Variants in RPS6KA2 observed in about 807,000 individuals in gnomAD.
RPS6KA2 encodes the protein ribosomal protein S6 kinase A2, also known as ribosomal protein S6 kinase alpha-2.
RPS6KA2 carries 42 observed loss-of-function variants against 91.8 expected under a neutral mutation model. That is an observed-to-expected ratio of 0.46 (90% CI 0.36 to 0.59). The LOEUF (loss-of-function observed/expected upper bound fraction) is 0.59. Among genes scored for constraint, RPS6KA2 ranks in the 20% least tolerant of loss-of-function variants. The probability of loss-of-function intolerance (pLI) is 0.00; values close to 1 mark genes in which losing one functional copy is unlikely to be tolerated. For synonymous variants in RPS6KA2, 414 were observed against 393.6 expected (o/e 1.05, Z -0.61); for missense variants, 798 against 978.5 (o/e 0.82, Z 2.46).
intron 16 of RPS6KA2, among the ~76,000 whole-genome samples, chr6:166,429,041 G>A (rs1290551558): frequency 6.6e-6 from 1 of 151,982 alleles, no homozygotes; most frequent in Non-Finnish European, 1.5e-5. Flanking sequence ...CAACCCAAAT[G>A]TTCAACAATG....
chr6:166,839,188 C>T (rs1039950732), intron 2 of RPS6KA2, among the ~76,000 whole-genome samples: 24 of 152,192 alleles, frequency 1.6e-4, no homozygotes, highest in African/African-American at 4.1e-4. Context: ...CTGGGGGACC[C>T]GCGCGTAAGT....
chr6:166,777,818 T>C (rs994504200), intron 2 of RPS6KA2, among the ~76,000 whole-genome samples: 4 of 152,016 alleles, frequency 2.6e-5, no homozygotes, highest in Admixed American at 2.0e-4. Flanking sequence ...TAATTTTAAA[T>C]GATAGCATTT....
At position 166,533,532 on chromosome 6, in the gene RPS6KA2, CA is replaced by C. The variant is rs1364743476; in HGVS notation, c.217-2220del. 6.6e-6 allele frequency among the ~76,000 whole-genome samples: 1 copy of C among 152,228 alleles called. No individual in the cohort carries two copies. The highest frequency in any genetic ancestry group is 1.5e-5 in the Non-Finnish European group (1 of 68,048). On this transcript the variant is annotated intron_variant, in intron 2 of 20. Coordinates refer to ENST00000265678, the MANE Select transcript of RPS6KA2 (RefSeq NM_021135.6). This position sits in a 1 kb window ranked among gnomAD's most constrained non-coding sequence, Gnocchi z 4.0. ...AGTTGGGCAGTGACACCAGCAAGGGCAGGGGTGTGCCTTCCTGGCCTAGGCA... is the reference window on the plus strand; with the variant it reads ...AGTTGGGCAGTGACACCAGCAAGGGCGGGGTGTGCCTTCCTGGCCTAGGCA...
At chr6:166,731,183 G>C (rs1368087384) in intron 2 of RPS6KA2, among the ~76,000 whole-genome samples, 1 of 152,024 alleles carries the variant, frequency 6.6e-6, no homozygotes, top group Non-Finnish European at 1.5e-5. Context: ...TGGAGGTTGC[G>C]GTGAGCCGAG....
In RPS6KA2 at chr6:166,726,189, T is replaced by C. The variant is rs938958909; in HGVS notation, c.123+132011A>G. On this transcript the variant is annotated intron_variant, in intron 2 of 21. Coordinates refer to the RPS6KA2 transcript ENST00000503859. This position sits in a 1 kb window ranked among gnomAD's most constrained non-coding sequence, Gnocchi z 4.4. ...CATAACTACTTTGATAAATCTACTA[T>C]TTATAAGCAAAGTCCTAGCCACGGC... Among the ~76,000 whole-genome samples the C allele has an allele frequency of 2.0e-5, 3 of 152,250 alleles. No individual in the cohort carries two copies. Among genetic ancestry groups the C allele is most frequent in the East Asian group, 1.9e-4 (1 of 5,178 alleles).
At chr6:166,468,099 C>T (rs554097052) in intron 11 of RPS6KA2, among the ~76,000 whole-genome samples, 30 of 152,368 alleles carry the variant, frequency 2.0e-4, no homozygotes, top group African/African-American at 5.8e-4. Flanking sequence ...GAGATCTAAA[C>T]GCCGTGTAAG....
chr6:166,549,679 G>T (rs1363147966), intron 1 of RPS6KA2, among the ~76,000 whole-genome samples: 2 of 151,992 alleles, frequency 1.3e-5, no homozygotes, highest in Admixed American at 6.6e-5. Context: ...TCCATAAAAG[G>T]GTACCATGGG....
At chr6:166,785,435 C>T (rs1177982474) in intron 2 of RPS6KA2, among the ~76,000 whole-genome samples, 1 of 152,232 alleles carries the variant, frequency 6.6e-6, no homozygotes, top group African/African-American at 2.4e-5. Flanking sequence ...CTTTCTTCTA[C>T]TTACTTGAGG....
At chr6:166,754,334 C>A (rs1212649714) in intron 2 of RPS6KA2, among the ~76,000 whole-genome samples, 1 of 152,192 alleles carries the variant, frequency 6.6e-6, no homozygotes, top group Non-Finnish European at 1.5e-5. Flanking sequence ...GGGGGCCAAG[C>A]CCTGGGGACC....
intron 2 of RPS6KA2, among the ~76,000 whole-genome samples, chr6:166,696,464 G>T (rs903451411): frequency 2.6e-5 from 4 of 152,122 alleles, no homozygotes; most frequent in Non-Finnish European, 5.9e-5. Context: ...TATTCCCCAG[G>T]AAACTCAGTG....
intron 1 of RPS6KA2, among the ~76,000 whole-genome samples, chr6:166,591,154 T>G: frequency 6.6e-6 from 1 of 152,180 alleles, no homozygotes; most frequent in East Asian, 1.9e-4. Context: ...CAGGCACTCT[T>G]CATAGATGCA....
intron 14 of RPS6KA2, among the ~76,000 whole-genome samples, chr6:166,443,774 CTG>C (rs1429680207): frequency 2.0e-5 from 3 of 152,160 alleles, no homozygotes; most frequent in Non-Finnish European, 4.4e-5. Context: ...TATAATAAAT[CTG>C]TGTATATTTT....
chr6:166,421,549 C>T (rs142806235), intron 17 of RPS6KA2, among the ~76,000 whole-genome samples: 1,754 of 152,264 alleles, frequency 0.012, 30 homozygotes, highest in African/African-American at 0.04. Flanking sequence ...CATAGGCCAG[C>T]CCTGCACCTC....
chr6:166,429,221 G>A lies in RPS6KA2; in HGVS notation c.1581+1232C>T, dbSNP rs529286928. Among the ~76,000 whole-genome samples the A allele has an allele frequency of 2.2e-3, 324 of 145,948 alleles. 3 individuals are homozygous for A. Among genetic ancestry groups the A allele is most frequent in the African/African-American group, 7.9e-3 (311 of 39,504 alleles). On this transcript the variant is annotated intron_variant, in intron 16 of 20. Coordinates refer to ENST00000265678, the MANE Select transcript of RPS6KA2 (RefSeq NM_021135.6). Reference sequence around the variant, plus strand: ...AAACACTGCATGTTCTCACTCATACGTGGGAATTGAACAATGAGAACACAT... The same window carrying A: ...AAACACTGCATGTTCTCACTCATACATGGGAATTGAACAATGAGAACACAT...
intron 3 of RPS6KA2, among the ~76,000 whole-genome samples, chr6:166,510,941 G>A (rs955467281): frequency 7.9e-5 from 12 of 152,062 alleles, no homozygotes; most frequent in South Asian, 2.1e-4. Flanking sequence ...GTCAGTTTTC[G>A]TCTGTAGAAT....
intron 1 of RPS6KA2, among the ~76,000 whole-genome samples, chr6:166,595,304 G>A (rs926114025): frequency 6.6e-6 from 1 of 152,072 alleles, no homozygotes; most frequent in Non-Finnish European, 1.5e-5. Context: ...TGCCTGCCTC[G>A]GCCTCCCAAA....
intron 14 of RPS6KA2, among the ~76,000 whole-genome samples, chr6:166,447,496 C>A (rs1779717785): frequency 6.6e-6 from 1 of 152,054 alleles, no homozygotes; most frequent in African/African-American, 2.4e-5. Context: ...TTTTTTTCGG[C>A]TGGCGTCTTC....
intron 2 of RPS6KA2, among the ~76,000 whole-genome samples, chr6:166,831,786 GATAC>G (rs1780188436): frequency 6.9e-6 from 1 of 144,540 alleles, no homozygotes; most frequent in African/African-American, 2.5e-5. Flanking sequence ...ATAGATGATA[GATAC>G]ATAGATAGAT....
At chr6:166,652,973 C>T (rs1057394392) in intron 2 of RPS6KA2, among the ~76,000 whole-genome samples, 8 of 152,232 alleles carry the variant, frequency 5.3e-5, no homozygotes. Flanking sequence ...CCAGGGCACC[C>T]ACTGTGGACA....
Sources: gnomAD v4.1 joint callset for allele counts (sites outside exome capture counted in the v4.1 genomes callset) on GRCh38, gnomAD v4.1.1 for gene constraint, Gnocchi (gnomAD v3.1) non-coding constraint, MANE v1.5 for transcripts, NCBI Gene and HGNC (gene_info 2026-07-23, HGNC 2026-07-21) for gene names.